The following NIBAN1 variants were observed in gnomAD, a reference collection of about 807,000 sequenced individuals.
The protein encoded by NIBAN1 is protein Niban 1.
NIBAN1 carries 81 observed loss-of-function variants against 75.1 expected under a neutral mutation model. The ratio of observed to expected loss-of-function variants is 1.08; its 90% CI spans 0.90 to 1.30. NIBAN1 has a LOEUF of 1.30. Ranked by LOEUF, NIBAN1 falls within the 50% of genes most tolerant of loss-of-function variation. NIBAN1 has a pLI of 0.00. For synonymous variants in NIBAN1, 436 were observed against 424.8 expected, an observed-to-expected ratio of 1.03 and a Z score of -0.32; for missense variants, 1,133 against 1,128.1, an observed-to-expected ratio of 1.00 and a Z score of -0.06.
intron 1 of NIBAN1, among the ~76,000 whole-genome samples, chr1:184,904,143 G>A (rs956191282): frequency 3.3e-5 from 5 of 151,880 alleles, no homozygotes; most frequent in Admixed American, 1.3e-4. Flanking sequence ...TGATCCACCC[G>A]CCTCGGCCTC....
In NIBAN1 at chr1:184,970,169, CAA is replaced by C. The variant is rs540891439; in HGVS notation, c.55+4131_55+4132del. On this transcript the variant is annotated intron_variant, in intron 1 of 13. Coordinates refer to ENST00000367511, the MANE Select transcript of NIBAN1 (RefSeq NM_052966.4). ...TGGGTGACAGAGTGAGACCCTGTCT[CAA>C]AAAAAAAAAAAAAAAAAATGGAGGA... 0.011 allele frequency among the ~76,000 whole-genome samples: 796 copies of C among 71,470 alleles called. 8 individuals carry two copies. The East Asian group carries it at 0.11, about 10-fold the overall frequency. The allele number at this position is 71,470 out of a possible 152,430, so 46.9% of individuals were successfully genotyped here.
intron 9 of NIBAN1, among the ~76,000 whole-genome samples, chr1:184,813,671 T>C (rs1051122971): frequency 7.2e-5 from 11 of 152,260 alleles, no homozygotes; most frequent in African/African-American, 2.7e-4. Context: ...AAACATGTCG[T>C]ACATGGTCTG....
At chr1:184,927,778 T>C (rs1470636871) in intron 1 of NIBAN1, among the ~76,000 whole-genome samples, 1 of 152,050 alleles carries the variant, frequency 6.6e-6, no homozygotes, top group Non-Finnish European at 1.5e-5. Flanking sequence ...GGTCTAGAGA[T>C]GCCATCCTGG....
chr1:184,910,968 T>C (rs1401157067), intron 1 of NIBAN1, among the ~76,000 whole-genome samples: 2 of 152,276 alleles, frequency 1.3e-5, no homozygotes, highest in East Asian at 1.9e-4. Flanking sequence ...AGACTAGAAC[T>C]GCATCATCAG....
intron 1 of NIBAN1, among the ~76,000 whole-genome samples, chr1:184,929,761 A>G (rs905239884): frequency 6.6e-6 from 1 of 152,222 alleles, no homozygotes; most frequent in Non-Finnish European, 1.5e-5. Context: ...CATCAGCTCC[A>G]CTAACGTGTG....
At chr1:184,822,773 C>T (rs563720540) in intron 8 of NIBAN1, among the ~76,000 whole-genome samples, 1 of 152,278 alleles carries the variant, frequency 6.6e-6, no homozygotes, top group South Asian at 2.1e-4. Flanking sequence ...CTGTATATGC[C>T]AGGCGTGACA....
intron 6 of NIBAN1, among the ~76,000 whole-genome samples, chr1:184,831,011 A>AAAT (rs59083210): frequency 6.6e-6 from 1 of 151,484 alleles, no homozygotes; most frequent in Non-Finnish European, 1.5e-5. Flanking sequence ...AAAAAAAAAA[A>AAAT]TAGCATTCTT....
chr1:184,935,790 GT>G (rs11436535), intron 1 of NIBAN1, among the ~76,000 whole-genome samples: 310 of 143,216 alleles, frequency 2.2e-3, no homozygotes, highest in Admixed American at 5.2e-3. Context: ...AAGAGTTAGG[GT>G]TTTTTTTTTT....
intron 1 of NIBAN1, among the ~76,000 whole-genome samples, chr1:184,929,200 C>A (rs994438937): frequency 6.6e-6 from 1 of 152,126 alleles, no homozygotes; most frequent in Non-Finnish European, 1.5e-5. Context: ...TTCTAAATCC[C>A]AAAATACTTT....
rs566733994 is a variant in NIBAN1, at chr1:184,926,104, T to G, written c.56-26795A>C. Among the ~76,000 whole-genome samples the G allele has an allele frequency of 2.0e-5, 3 of 152,328 alleles. No homozygotes were observed. The East Asian group carries it at 5.8e-4, about 29-fold the overall frequency. On this transcript the variant is annotated intron_variant, in intron 1 of 13. Coordinates refer to ENST00000367511, the MANE Select transcript of NIBAN1 (RefSeq NM_052966.4). ...AAGGGTATTTTTGCTGGATATACTA[T>G]TCTAGGATACAAGGTATTTTTTTTT...
chr1:184,831,579 C>A (rs930138779), intron 6 of NIBAN1, among the ~76,000 whole-genome samples: 1 of 152,170 alleles, frequency 6.6e-6, no homozygotes, highest in African/African-American at 2.4e-5. Flanking sequence ...AAGAGTAATT[C>A]TTTTCATAGA....
intron 10 of NIBAN1, 101 bp from the exon 11 acceptor site, chr1:184,806,157 A>G (rs1654193058): frequency 1.2e-6 from 1 of 833,196 alleles, no homozygotes; most frequent in Non-Finnish European, 1.9e-6. Context: ...GCCATCAGAG[A>G]TGAGTCCCCT....
chr1:184,946,767 A>C (rs1287693007), intron 1 of NIBAN1, among the ~76,000 whole-genome samples: 1 of 152,208 alleles, frequency 6.6e-6, no homozygotes, highest in African/African-American at 2.4e-5. Context: ...GAAATCTGGA[A>C]CAACAGGAAG....
chr1:184,825,390 T>C (rs900291731), intron 6 of NIBAN1, among the ~76,000 whole-genome samples: 6 of 152,094 alleles, frequency 3.9e-5, no homozygotes, highest in African/African-American at 1.4e-4. Context: ...CGATGATTGC[T>C]TACAAAAAGC....
At chr1:184,810,735 T>C (rs1211955613) in intron 9 of NIBAN1, among the ~76,000 whole-genome samples, 3 of 152,260 alleles carry the variant, frequency 2.0e-5, no homozygotes, top group Admixed American at 2.0e-4. Context: ...TTATTCTGAC[T>C]GTGAGGCACC....
At chr1:184,961,042 C>T (rs930130743) in intron 1 of NIBAN1, among the ~76,000 whole-genome samples, 4 of 145,264 alleles carry the variant, frequency 2.8e-5, no homozygotes, top group African/African-American at 1.0e-4. Flanking sequence ...CCTCCTCCCC[C>T]TTCTATATGC....
At chr1:184,866,262 T>C (rs1451909452) in intron 5 of NIBAN1, among the ~76,000 whole-genome samples, 3 of 152,088 alleles carry the variant, frequency 2.0e-5, no homozygotes, top group Admixed American at 2.0e-4. Flanking sequence ...AATGGACAGA[T>C]AGAAGAAAAT....
chr1:184,971,950 C>T (rs900884594), intron 1 of NIBAN1, among the ~76,000 whole-genome samples: 10 of 152,228 alleles, frequency 6.6e-5, no homozygotes, highest in Admixed American at 6.5e-4. Flanking sequence ...TCCTAAGAAA[C>T]AATGTATTTT....
intron 1 of NIBAN1, among the ~76,000 whole-genome samples, chr1:184,961,937 C>T (rs898238604): frequency 6.6e-6 from 1 of 152,218 alleles, no homozygotes; most frequent in Non-Finnish European, 1.5e-5. Context: ...ACCTGGGCCA[C>T]AGACAGTAGG....
Sources: allele counts gnomAD v4.1 joint callset (sites outside exome capture counted in the v4.1 genomes callset), GRCh38; gene constraint gnomAD v4.1.1; transcripts MANE v1.5; gene names NCBI Gene and HGNC (gene_info 2026-07-23, HGNC 2026-07-21).